The following KIAA1328 variants were observed in gnomAD, a reference collection of about 807,000 sequenced individuals.
KIAA1328 encodes KIAA1328.
A neutral mutation model predicts 68.1 loss-of-function variants in KIAA1328; 52 were observed. That is an observed-to-expected ratio of 0.76 (90% CI 0.61 to 0.96). KIAA1328 has a LOEUF of 0.96. KIAA1328 is among the 40% of genes least tolerant of loss of function. The pLI, the probability that KIAA1328 is intolerant of heterozygous loss-of-function variation, is 0.00. For synonymous variants in KIAA1328, 232 were observed against 239.4 expected, an observed-to-expected ratio of 0.97 and a Z score of 0.28; for missense variants, 641 against 677.6, an observed-to-expected ratio of 0.95 and a Z score of 0.60.
intron 6 of KIAA1328, among the ~76,000 whole-genome samples, chr18:36,970,786 C>G (rs893329718): frequency 6.6e-6 from 1 of 152,030 alleles, no homozygotes; most frequent in Non-Finnish European, 1.5e-5. Flanking sequence ...AACCACTGCT[C>G]AAGGAAATAA....
At chr18:36,965,524 C>CCACGCCTGGCTAATTTTT (rs1556840875) in intron 6 of KIAA1328, among the ~76,000 whole-genome samples, 1 of 48,954 alleles carries the variant, frequency 2.0e-5, no homozygotes, top group East Asian at 7.3e-4. Context: ...GTGGTGGCCA[C>CCACGCCTGGCTAATTTTT]CACGCCTGGC....
intron 6 of KIAA1328, among the ~76,000 whole-genome samples, chr18:37,053,104 A>G (rs994133083): frequency 3.9e-5 from 6 of 152,196 alleles, no homozygotes; most frequent in Non-Finnish European, 8.8e-5. Flanking sequence ...GCTACAAGGA[A>G]ATAGTAATCA....
At chr18:36,869,604 A>G (rs1450092853) in intron 4 of KIAA1328, among the ~76,000 whole-genome samples, 2 of 152,102 alleles carry the variant, frequency 1.3e-5, no homozygotes, top group Non-Finnish European at 2.9e-5. Flanking sequence ...AGCTATTCTC[A>G]GGCAGTTTTC....
chr18:36,854,332 G>C (rs569659826), intron 4 of KIAA1328, among the ~76,000 whole-genome samples: 23 of 152,278 alleles, frequency 1.5e-4, no homozygotes, highest in African/African-American at 5.5e-4. Flanking sequence ...ACTTTGTTAA[G>C]GCAGCCCTAA....
At chr18:36,852,441 G>A (rs932326260) in intron 4 of KIAA1328, among the ~76,000 whole-genome samples, 4 of 152,148 alleles carry the variant, frequency 2.6e-5, no homozygotes, top group African/African-American at 7.2e-5. Context: ...GACAAACTGC[G>A]TCTGTCGCCC....
chr18:37,127,055 C>T (rs767829248), intron 7 of KIAA1328, among the ~76,000 whole-genome samples: 5 of 152,076 alleles, frequency 3.3e-5, no homozygotes, highest in South Asian at 4.1e-4. Flanking sequence ...GACTTCTATT[C>T]GGCATTGCAC....
chr18:36,840,032 T>C (rs1347944151), intron 3 of KIAA1328, among the ~76,000 whole-genome samples: 2 of 152,154 alleles, frequency 1.3e-5, no homozygotes, highest in African/African-American at 4.8e-5. Flanking sequence ...TACTTTGCCC[T>C]GCAAGGTTTC....
intron 6 of KIAA1328, among the ~76,000 whole-genome samples, chr18:37,018,420 GA>G (rs1429344628): frequency 4.6e-5 from 7 of 151,956 alleles, no homozygotes; most frequent in Admixed American, 3.9e-4. Flanking sequence ...CATTGACCTT[GA>G]ACCTTCTGAC....
intron 6 of KIAA1328, among the ~76,000 whole-genome samples, chr18:37,025,294 GT>G (rs538186330): frequency 3.0e-4 from 45 of 152,234 alleles, no homozygotes; most frequent in African/African-American, 9.9e-4. Context: ...ACCCCCCACT[GT>G]CAACATTAGA....
intron 6 of KIAA1328, among the ~76,000 whole-genome samples, chr18:36,966,836 T>C (rs1440567833): frequency 6.6e-6 from 1 of 152,220 alleles, no homozygotes; most frequent in Non-Finnish European, 1.5e-5. Context: ...TTTCCCAAAT[T>C]GATCTGTAGA....
chr18:37,150,551 A>T (rs2059005773), intron 7 of KIAA1328, among the ~76,000 whole-genome samples: 1 of 151,916 alleles, frequency 6.6e-6, no homozygotes, highest in African/African-American at 2.4e-5. Context: ...CCTCATGGAC[A>T]TAAATTCATG....
chr18:36,856,818 C>T (rs1228847225), intron 4 of KIAA1328, among the ~76,000 whole-genome samples: 2 of 152,102 alleles, frequency 1.3e-5, no homozygotes, highest in Non-Finnish European at 2.9e-5. Context: ...CCTTCAGCTT[C>T]CCAGAGTTTG....
intron 4 of KIAA1328, among the ~76,000 whole-genome samples, chr18:36,866,396 C>G (rs1364814613): frequency 6.6e-6 from 1 of 152,010 alleles, no homozygotes; most frequent in Non-Finnish European, 1.5e-5. Context: ...CTTTATCCCC[C>G]TCAGATTCTG....
intron 6 of KIAA1328, among the ~76,000 whole-genome samples, chr18:37,024,550 C>G (rs7505810): frequency 0.011 from 1,597 of 143,738 alleles, 30 homozygotes; most frequent in African/African-American, 0.039. Context: ...ACAACCAGCC[C>G]CGGTGTGTGA....
rs184403403 is a variant in KIAA1328, at chr18:36,876,309, T to A, written c.333-9248T>A. Among the ~76,000 whole-genome samples the A allele has an allele frequency of 2.7e-4, 41 of 152,142 alleles. 1 individual carries two copies. Among genetic ancestry groups the A allele is most frequent in the Admixed American group, 2.6e-3 (39 of 15,260 alleles). ...TCAGTCTGGTCCTGGGACCAGACTATTTTTTTGGTTGGTAGGCTATTAATT... is the reference window on the plus strand; with the variant it reads ...TCAGTCTGGTCCTGGGACCAGACTAATTTTTTGGTTGGTAGGCTATTAATT... On this transcript the variant is annotated intron_variant, in intron 4 of 9. Transcript: ENST00000280020.
intron 7 of KIAA1328, among the ~76,000 whole-genome samples, chr18:37,139,575 T>C (rs1233130209): frequency 1.3e-5 from 2 of 152,212 alleles, no homozygotes; most frequent in African/African-American, 4.8e-5. Context: ...TCAGTAGATC[T>C]GTAATATTTC....
intron 4 of KIAA1328, among the ~76,000 whole-genome samples, chr18:36,873,542 A>G (rs1017635724): frequency 7.9e-5 from 12 of 152,148 alleles, no homozygotes; most frequent in Non-Finnish European, 1.5e-4. Context: ...ATACTTGAGG[A>G]TAGGGTATTA....
chr18:36,903,386 GC>G (rs1249342393), intron 5 of KIAA1328, among the ~76,000 whole-genome samples: 1 of 152,064 alleles, frequency 6.6e-6, no homozygotes, highest in African/African-American at 2.4e-5. Flanking sequence ...AATAATTCTT[GC>G]CAGTTCAATT....
At chr18:37,171,004 A>G (rs1402613115) in intron 8 of KIAA1328, among the ~76,000 whole-genome samples, 3 of 152,216 alleles carry the variant, frequency 2.0e-5, no homozygotes, top group Non-Finnish European at 2.9e-5. Context: ...AAAAAGAAAT[A>G]TCTAAGTACC....
Sources: allele counts gnomAD v4.1 joint callset (sites outside exome capture counted in the v4.1 genomes callset), GRCh38; gene constraint gnomAD v4.1.1; transcripts MANE v1.5; gene names NCBI Gene and HGNC (gene_info 2026-07-23, HGNC 2026-07-21).